The following ACOT11 variants were observed in gnomAD, a reference collection of about 807,000 sequenced individuals.
ACOT11 encodes acyl-coenzyme A thioesterase 11.
ACOT11 carries 69 observed loss-of-function variants against 77.5 expected under a neutral mutation model. That is an observed-to-expected ratio of 0.89 (90% CI 0.73 to 1.09). ACOT11 has a LOEUF of 1.09. Ranked by LOEUF, ACOT11 falls within the 50% of genes least tolerant of loss-of-function variation. ACOT11 has a pLI of 0.00. For synonymous variants in ACOT11, 279 were observed against 313.0 expected, an observed-to-expected ratio of 0.89 and a Z score of 1.15; for missense variants, 766 against 813.7, an observed-to-expected ratio of 0.94 and a Z score of 0.71.
rs143794524 is a variant in ACOT11, at chr1:54,607,987, C to A, written c.1548C>A (p.His516Gln). 173 of 1,613,952 alleles carry A rather than the reference C, an allele frequency of 1.1e-4. No individual in the cohort carries two copies. The African/African-American group carries it at 2.1e-3, about 20-fold the overall frequency. Residue 516 changes from histidine to glutamine, a missense_variant, in exon 15 of 16, where the codon CAC becomes CAA. Coordinates refer to ENST00000343744, the MANE Select transcript of ACOT11 (RefSeq NM_147161.4). This position sits in a 1 kb window ranked among gnomAD's most constrained non-coding sequence, Gnocchi z 4.5. ...IALRSVTLPT[H>Q]RETPEYRRGE... ...TGAGGTCGGTCACGCTGCCCACACACCGAGAGACGCCAGAGTACAGACGCG... is the reference window on the plus strand; with the variant it reads ...TGAGGTCGGTCACGCTGCCCACACAACGAGAGACGCCAGAGTACAGACGCG...
At chr1:54,576,015 G>A (rs1362804628) in intron 1 of ACOT11, among the ~76,000 whole-genome samples, 3 of 152,172 alleles carry the variant, frequency 2.0e-5, no homozygotes, top group African/African-American at 4.8e-5. Flanking sequence ...TAATCAAAAG[G>A]CAGCCAAACA....
At chr1:54,583,387 A>G (rs974551136) in intron 1 of ACOT11, among the ~76,000 whole-genome samples, 1 of 152,144 alleles carries the variant, frequency 6.6e-6, no homozygotes, top group Non-Finnish European at 1.5e-5. Context: ...TAGCTATGGG[A>G]GGCTCACTGG....
chr1:54,583,006 C>T (rs1344653277), intron 1 of ACOT11, among the ~76,000 whole-genome samples: 1 of 152,130 alleles, frequency 6.6e-6, no homozygotes, highest in African/African-American at 2.4e-5. Context: ...ACTCCCACAC[C>T]CCGAAAGCCA....
chr1:54,615,732 G>A (rs1427730942), intron 15 of ACOT11, among the ~76,000 whole-genome samples: 2 of 152,200 alleles, frequency 1.3e-5, no homozygotes, highest in African/African-American at 4.8e-5. Context: ...CAGTTCTGTG[G>A]ATACAGGAGG....
chr1:54,592,888 A>C (rs776277849), intron 4 of ACOT11, among the ~76,000 whole-genome samples: 7 of 152,158 alleles, frequency 4.6e-5, no homozygotes, highest in Non-Finnish European at 1.0e-4. Context: ...CAGGCCCCTG[A>C]GTCTCACATC....
downstream of ACOT11, chr1:54,610,370 G>T: frequency 1.9e-6 from 3 of 1,602,328 alleles, no homozygotes; most frequent in Non-Finnish European, 2.6e-6. Context: ...GGACACCCCT[G>T]CAGATGAGCT....
At chr1:54,610,869 A>G, downstream of ACOT11, 1 of 985,318 alleles carries the variant, frequency 1.0e-6, no homozygotes, top group Non-Finnish European at 1.2e-6. Context: ...CCTCTTTGAG[A>G]TGGCTTAACT....
chr1:54,548,476 G>A (rs539293456), intron 1 of ACOT11, 134 bp downstream of exon 1: 7 of 1,226,028 alleles, frequency 5.7e-6, no homozygotes, highest in Non-Finnish European at 7.9e-6. Flanking sequence ...GCTCTCTTTG[G>A]AAGGAGAAAT....
At chr1:54,605,296 G>A in intron 13 of ACOT11, 87 bp downstream of exon 13, 2 of 1,511,024 alleles carry the variant, frequency 1.3e-6, no homozygotes, top group Non-Finnish European at 1.8e-6. Flanking sequence ...CATCCTCCAT[G>A]ATGCTCTGCC....
Position 54,607,561 on chromosome 1 carries a change from A to T in ACOT11, c.1502+296A>T, listed in dbSNP as rs1553164910. Reference sequence around the variant, plus strand: ...TGGGCAGGATATTTCTCACGTGGCCACCTCCTTGGCCTCCTCCCTCTGACA... The same window carrying T: ...TGGGCAGGATATTTCTCACGTGGCCTCCTCCTTGGCCTCCTCCCTCTGACA... On this transcript the variant is annotated intron_variant, in intron 14 of 15. Transcript: ENST00000343744. This position sits in a 1 kb window ranked among gnomAD's most constrained non-coding sequence, Gnocchi z 4.5. Among the ~76,000 whole-genome samples the T allele has an allele frequency of 6.6e-6, 1 of 151,878 alleles. No individual in the cohort carries two copies. Among genetic ancestry groups the T allele is most frequent in the Non-Finnish European group, 1.5e-5 (1 of 67,984 alleles).
rs181703956 is a variant in ACOT11 at position 54,569,921 on chromosome 1, G to A, written c.34-14734G>A. 1.5e-3 allele frequency among the ~76,000 whole-genome samples: 221 copies of A among 152,320 alleles called. 1 individual carries two copies. Among genetic ancestry groups the A allele is most frequent in the Non-Finnish European group, 2.6e-3 (179 of 68,040 alleles). ...CAGGTAAGCCATTTGATCACATGTTGAATGGAGCAGGTACATGTGGTACTT... is the reference window on the plus strand; with the variant it reads ...CAGGTAAGCCATTTGATCACATGTTAAATGGAGCAGGTACATGTGGTACTT... On this transcript the variant is annotated intron_variant, in intron 1 of 15. Coordinates refer to ENST00000343744, the MANE Select transcript of ACOT11 (RefSeq NM_147161.4).
rs116542127 is a variant in ACOT11 at position 54,587,913 on chromosome 1, T to C, written c.311+2009T>C. Among the ~76,000 whole-genome samples, 1,320 of 152,200 alleles carry C rather than the reference T, an allele frequency of 8.7e-3. 16 individuals are homozygous for C. The highest frequency in any genetic ancestry group is 0.03 in the African/African-American group (1,253 of 41,534). Reference sequence around the variant, plus strand: ...TAGTTTTAAATTTATAAAAACATTGTATCTCTAAAGATAGTACAAGGCCGG... The same window carrying C: ...TAGTTTTAAATTTATAAAAACATTGCATCTCTAAAGATAGTACAAGGCCGG... On this transcript the variant is annotated intron_variant, in intron 3 of 15. Coordinates refer to ENST00000343744, the MANE Select transcript of ACOT11 (RefSeq NM_147161.4).
intron 1 of ACOT11, among the ~76,000 whole-genome samples, chr1:54,567,096 T>C (rs1653759305): frequency 6.6e-6 from 1 of 152,098 alleles, no homozygotes; most frequent in South Asian, 2.1e-4. Flanking sequence ...TAGCCTCTTC[T>C]CCAGTGAGCT....
chr1:54,609,914 G>C lies in ACOT11; in HGVS notation c.*802G>C, dbSNP rs772135229. On this transcript the variant is annotated 3_prime_UTR_variant, in exon 16 of 16. Coordinates refer to ENST00000343744, the MANE Select transcript of ACOT11 (RefSeq NM_147161.4). ...TTCAGCCACAGTTCCCTCGAGGCCA[G>C]TGTTCAGCAGGATCATGCCTTCTGT... The C allele has an allele frequency of 6.2e-7, 1 of 1,608,358 alleles. No individual in the cohort carries two copies. The highest frequency in any genetic ancestry group is 1.3e-5 in the African/African-American group (1 of 75,056).
rs544151981 is a variant in ACOT11, at chr1:54,623,592, C to G, written c.1630-7142C>G. 6.8e-5 allele frequency: 38 copies of G among 560,536 alleles called. No individual in the cohort carries two copies. The Admixed American group carries it at 8.2e-4, about 12-fold the overall frequency. The allele number at this position is 560,536 out of a possible 1,614,324, so 34.7% of individuals were successfully genotyped here. ...CCTCCTCCCTCCCCGCCCCAATCCT[C>G]TTCCCCACACCCTCCCAGGATCTTA... On this transcript the variant is annotated intron_variant, in intron 15 of 16. Coordinates refer to the ACOT11 transcript ENST00000371316.
intron 15 of ACOT11, among the ~76,000 whole-genome samples, chr1:54,619,239 T>C (rs1299511624): frequency 6.6e-6 from 1 of 152,214 alleles, no homozygotes; most frequent in African/African-American, 2.4e-5. Flanking sequence ...TTCACTAGCA[T>C]GTTCGTGAAC....
intron 1 of ACOT11, among the ~76,000 whole-genome samples, chr1:54,573,955 G>C (rs12736206): frequency 6.6e-6 from 1 of 151,902 alleles, no homozygotes; most frequent in Non-Finnish European, 1.5e-5. Context: ...CTTGAACCCA[G>C]GAGGTGGAGG....
Position 54,609,160 on chromosome 1 carries a change from C to T in ACOT11, c.*48C>T. On this transcript the variant is annotated 3_prime_UTR_variant, in exon 16 of 16. Transcript: ENST00000343744. ...GCCCACTCCCACTCCATCCTGTCCC[C>T]AAGGACTCACATACAGTGCCTGGAG... The T allele has an allele frequency of 1.9e-6, 3 of 1,612,244 alleles. No homozygotes were observed. The South Asian group carries it at 3.3e-5, about 18-fold the overall frequency.
At position 54,554,348 on chromosome 1, in the gene ACOT11, TA is replaced by T. The variant is rs1367087611; in HGVS notation, c.33+6007del. ...GTGTGTGTGTGTATATATATATATA[TA>T]TATTTTTTTTTTTTTTTTTTGAGAT... On this transcript the variant is annotated intron_variant, in intron 1 of 15. Coordinates refer to ENST00000343744, the MANE Select transcript of ACOT11 (RefSeq NM_147161.4). 1.3e-3 allele frequency among the ~76,000 whole-genome samples: 132 copies of T among 99,188 alleles called. 3 individuals are homozygous for T. The highest frequency in any genetic ancestry group is 3.1e-3 in the South Asian group (9 of 2,858). 65.1% of individuals were successfully genotyped at this position (99,188 alleles called of 152,430 possible). A position where few individuals can be genotyped will look rare whatever the true frequency, so the allele number is the denominator to read the frequency against.
Sources: gnomAD v4.1 joint callset for allele counts (sites outside exome capture counted in the v4.1 genomes callset) on GRCh38, gnomAD v4.1.1 for gene constraint, Gnocchi (gnomAD v3.1) non-coding constraint, MANE v1.5 for transcripts, NCBI Gene and HGNC (gene_info 2026-07-23, HGNC 2026-07-21) for gene names.